CAMK1D: variants seen among roughly 807,000 people sequenced by gnomAD.
CAMK1D encodes the protein calcium/calmodulin dependent protein kinase ID, also known as calcium/calmodulin-dependent protein kinase type 1D.
A neutral mutation model predicts 47.7 loss-of-function variants in CAMK1D; 9 were observed. That is an observed-to-expected ratio of 0.19 (90% CI 0.11 to 0.33). The LOEUF is 0.33. Ranked by LOEUF, CAMK1D falls within the 10% of genes least tolerant of loss-of-function variation. CAMK1D has a pLI of 1.00. For missense variants in CAMK1D, 291 were observed against 488.7 expected (o/e 0.60, Z 3.81); for synonymous variants, 184 against 184.9 (o/e 0.99, Z 0.04).
intron 1 of CAMK1D, among the ~76,000 whole-genome samples, chr10:12,368,796 A>G (rs1165550360): frequency 6.6e-6 from 1 of 151,724 alleles, no homozygotes; most frequent in Non-Finnish European, 1.5e-5. Context: ...CAGGTGCTAA[A>G]TGAAAGGACG....
At chr10:12,352,815 C>T (rs1213571305) in intron 1 of CAMK1D, among the ~76,000 whole-genome samples, 25 of 150,504 alleles carry the variant, frequency 1.7e-4, no homozygotes, top group Non-Finnish European at 1.5e-4. Context: ...CGGCTCACTG[C>T]AAGCTCTGCC....
chr10:12,363,188 G>A (rs1837730065), intron 1 of CAMK1D, among the ~76,000 whole-genome samples: 1 of 150,768 alleles, frequency 6.6e-6, no homozygotes, highest in South Asian at 2.1e-4. Flanking sequence ...TGATCCGCCC[G>A]CCTCGGCCTC....
chr10:12,826,447 T>C (rs1398752231), intron 10 of CAMK1D, among the ~76,000 whole-genome samples: 1 of 152,212 alleles, frequency 6.6e-6, no homozygotes, highest in African/African-American at 2.4e-5. Flanking sequence ...GCAATAAAAG[T>C]AATAGTATTT....
chr10:12,541,878 C>CCTTCCTTCCTTG (rs1343557573), intron 1 of CAMK1D, among the ~76,000 whole-genome samples: 5 of 145,602 alleles, frequency 3.4e-5, no homozygotes, highest in Non-Finnish European at 5.9e-5. Flanking sequence ...TTCCTTCCTT[C>CCTTCCTTCCTTG]CTTCCTTCCT....
intron 2 of CAMK1D, among the ~76,000 whole-genome samples, chr10:12,655,586 A>G (rs1013170618): frequency 3.3e-5 from 5 of 152,340 alleles, no homozygotes; most frequent in African/African-American, 1.2e-4. Context: ...TCATTCATTC[A>G]TTCTTCCATA....
intron 2 of CAMK1D, among the ~76,000 whole-genome samples, chr10:12,555,709 C>T (rs1270975408): frequency 6.6e-6 from 1 of 152,188 alleles, no homozygotes; most frequent in East Asian, 1.9e-4. Context: ...TGGGTGGGCC[C>T]AGAGCCTTCC....
At chr10:12,550,708 A>G (rs1260071454) in intron 1 of CAMK1D, among the ~76,000 whole-genome samples, 1 of 152,068 alleles carries the variant, frequency 6.6e-6, no homozygotes, top group Non-Finnish European at 1.5e-5. Context: ...GGAGAATCCT[A>G]TGGGTGAATA....
At chr10:12,432,428 CAAAT>C (rs933878006) in intron 1 of CAMK1D, among the ~76,000 whole-genome samples, 20 of 151,970 alleles carry the variant, frequency 1.3e-4, no homozygotes, top group South Asian at 1.2e-3. Flanking sequence ...AATGAATAAA[CAAAT>C]GAATGAGTGA....
intron 1 of CAMK1D, among the ~76,000 whole-genome samples, chr10:12,530,643 C>G (rs1835774671): frequency 6.6e-6 from 1 of 152,178 alleles, no homozygotes; most frequent in African/African-American, 2.4e-5. Flanking sequence ...TTCCCGTGGC[C>G]TCGGGGTCTG....
chr10:12,649,183 A>T (rs1839893109), intron 2 of CAMK1D, among the ~76,000 whole-genome samples: 1 of 152,202 alleles, frequency 6.6e-6, no homozygotes, highest in Non-Finnish European at 1.5e-5. Context: ...TATCTTTTAC[A>T]ATCTGTGCTT....
intron 3 of CAMK1D, among the ~76,000 whole-genome samples, chr10:12,723,818 G>T (rs918217681): frequency 1.3e-5 from 2 of 151,978 alleles, no homozygotes. Context: ...GTGCAGGTTT[G>T]TTACATATGT....
intron 1 of CAMK1D, among the ~76,000 whole-genome samples, chr10:12,535,252 C>A (rs746000210): frequency 6.6e-6 from 1 of 152,226 alleles, no homozygotes; most frequent in East Asian, 1.9e-4. Flanking sequence ...TCTCCCAGCT[C>A]TGTCTGCTAA....
intron 2 of CAMK1D, among the ~76,000 whole-genome samples, chr10:12,604,396 CAG>C (rs940419265): frequency 2.0e-4 from 31 of 152,206 alleles, no homozygotes; most frequent in African/African-American, 7.0e-4. Flanking sequence ...ATCAGATAAA[CAG>C]GGAAAAAATA....
At chr10:12,520,011 C>T (rs1229824460) in intron 1 of CAMK1D, among the ~76,000 whole-genome samples, 2 of 66,118 alleles carry the variant, frequency 3.0e-5, no homozygotes, top group East Asian at 9.8e-4. Flanking sequence ...CCAGTAGGGG[C>T]GGCCGGGCAG....
At chr10:12,355,360 A>G (rs1340258199) in intron 1 of CAMK1D, among the ~76,000 whole-genome samples, 2 of 152,186 alleles carry the variant, frequency 1.3e-5, no homozygotes, top group East Asian at 1.9e-4. Flanking sequence ...AAATTGCCCA[A>G]TAAATACACC....
intron 2 of CAMK1D, among the ~76,000 whole-genome samples, chr10:12,648,495 G>C (rs139064777): frequency 6.6e-6 from 1 of 152,204 alleles, no homozygotes; most frequent in African/African-American, 2.4e-5. Context: ...TTTTGAGATG[G>C]AGTTTCGCTC....
intron 1 of CAMK1D, among the ~76,000 whole-genome samples, chr10:12,423,418 G>A (rs1376571484): frequency 6.6e-6 from 1 of 152,164 alleles, no homozygotes; most frequent in African/African-American, 2.4e-5. Context: ...AGGAGGCTGA[G>A]GTGGAAGGAT....
chr10:12,788,091 C>T (rs1042369928), intron 5 of CAMK1D, among the ~76,000 whole-genome samples: 1 of 152,170 alleles, frequency 6.6e-6, no homozygotes, highest in Non-Finnish European at 1.5e-5. Context: ...AATCTCCATC[C>T]CCAATATTGT....
At chr10:12,588,040 G>A (rs1309668570) in intron 2 of CAMK1D, among the ~76,000 whole-genome samples, 1 of 152,090 alleles carries the variant, frequency 6.6e-6, no homozygotes. Flanking sequence ...GCTAAGTTGT[G>A]TTGAAATGAG....
Sources: gnomAD v4.1 joint callset for allele counts (sites outside exome capture counted in the v4.1 genomes callset) on GRCh38, gnomAD v4.1.1 for gene constraint, MANE v1.5 for transcripts, NCBI Gene and HGNC (gene_info 2026-07-23, HGNC 2026-07-21) for gene names.